The following PKNOX2 variants were observed in gnomAD, a reference collection of about 807,000 sequenced individuals.
PKNOX2 encodes the protein homeobox protein PKNOX2.
A neutral mutation model predicts 53.1 loss-of-function variants in PKNOX2; 14 were observed. That is an observed-to-expected ratio of 0.26 (90% CI 0.17 to 0.41). The LOEUF is 0.41. Ranked by LOEUF, PKNOX2 falls within the 10% of genes least tolerant of loss-of-function variation. PKNOX2 has a pLI of 1.00. For synonymous variants in PKNOX2, 257 were observed against 242.8 expected (o/e 1.06, Z -0.54); for missense variants, 496 against 602.8 (o/e 0.82, Z 1.85).
chr11:125,423,722 G>A (rs1414336808), intron 10 of PKNOX2, among the ~76,000 whole-genome samples: 1 of 152,190 alleles, frequency 6.6e-6, no homozygotes, highest in Non-Finnish European at 1.5e-5. Context: ...AAGAATCCTA[G>A]ATAGGGCAAG....
chr11:125,377,504 C>T lies in PKNOX2; in HGVS notation c.228-8047C>T, dbSNP rs375562428. The stretch of plus-strand genomic sequence containing the variant: ...CAGCAGGAAGAAAGTCATGGGCACA[C>T]GAGAGCAAAGGGCAAAGATGGGCAC... On this transcript the variant is annotated intron_variant, in intron 5 of 12. Transcript: ENST00000298282. Among the ~76,000 whole-genome samples the T allele has an allele frequency of 3.9e-5, 6 of 152,096 alleles. No homozygotes were observed. The South Asian group carries it at 6.2e-4, about 16-fold the overall frequency.
At chr11:125,264,355 C>G (rs1945133899) in intron 2 of PKNOX2, among the ~76,000 whole-genome samples, 1 of 152,200 alleles carries the variant, frequency 6.6e-6, no homozygotes, top group African/African-American at 2.4e-5. Context: ...CCTTGGAATG[C>G]AGCTCAGGCT....
At chr11:125,214,199 G>T (rs973500303) in intron 1 of PKNOX2, among the ~76,000 whole-genome samples, 1 of 152,086 alleles carries the variant, frequency 6.6e-6, no homozygotes, top group African/African-American at 2.4e-5. Context: ...CTCTTGGAGG[G>T]TGGCTTGGAA....
In PKNOX2 at chr11:125,343,970, G is replaced by T. The variant is rs1164971815; in HGVS notation, c.-22-7314G>T. 2.0e-5 allele frequency among the ~76,000 whole-genome samples: 3 copies of T among 152,216 alleles called. No individual in the cohort carries two copies. In the South Asian group the frequency reaches 6.2e-4, roughly 32 times the overall value. ...GGGCAGGACGGTGGGGCTCCTCTCTGGGAAACCTGGTCGGGCTGGAGTTCA... is the reference window on the plus strand; with the variant it reads ...GGGCAGGACGGTGGGGCTCCTCTCTTGGAAACCTGGTCGGGCTGGAGTTCA... On this transcript the variant is annotated intron_variant, in intron 3 of 12. Coordinates refer to ENST00000298282, the MANE Select transcript of PKNOX2 (RefSeq NM_001382323.2).
intron 10 of PKNOX2, among the ~76,000 whole-genome samples, chr11:125,419,883 T>TAAAAAAAAAAAA (rs377369369): frequency 1.0e-5 from 1 of 99,488 alleles, no homozygotes. Flanking sequence ...AAGAAAAAAT[T>TAAAAAAAAAAAA]AAAAAAAAAA....
At chr11:125,205,887 G>T (rs971894001) in intron 1 of PKNOX2, among the ~76,000 whole-genome samples, 9 of 152,116 alleles carry the variant, frequency 5.9e-5, no homozygotes, top group Admixed American at 3.9e-4. Context: ...AACAATAAAA[G>T]TTAAATAATA....
chr11:125,406,441 T>C (rs996682306), intron 7 of PKNOX2, among the ~76,000 whole-genome samples: 1 of 152,194 alleles, frequency 6.6e-6, no homozygotes, highest in Admixed American at 6.5e-5. Flanking sequence ...ACCCCTTCCA[T>C]TGCTACGTAA....
At chr11:125,295,915 T>A (rs1299616426) in intron 2 of PKNOX2, among the ~76,000 whole-genome samples, 1 of 152,200 alleles carries the variant, frequency 6.6e-6, no homozygotes, top group African/African-American at 2.4e-5. Context: ...AATGTTCTTC[T>A]GTTCTCTCTG....
rs191591104 is a variant in PKNOX2 at position 125,408,624 on chromosome 11, A to C, written c.589-1572A>C. Among the ~76,000 whole-genome samples, 488 of 152,298 alleles carry C rather than the reference A, an allele frequency of 3.2e-3. 14 individuals are homozygous for C. Among genetic ancestry groups the C allele is most frequent in the Non-Finnish European group, 3.1e-4 (21 of 68,026 alleles). The stretch of plus-strand genomic sequence containing the variant: ...GAGTAAAAAAAGGCAGCTCTGGAGG[A>C]GACGCCAAGGGGGATTTAATCAGCT... On this transcript the variant is annotated intron_variant, in intron 7 of 12. Transcript: ENST00000298282.
chr11:125,168,622 G>C (rs1337640518), intron 1 of PKNOX2, among the ~76,000 whole-genome samples: 2 of 152,140 alleles, frequency 1.3e-5, no homozygotes, highest in Non-Finnish European at 2.9e-5. Flanking sequence ...TCTTCAACCT[G>C]GGCTGTAACT....
chr11:125,395,891 C>T lies in PKNOX2; in HGVS notation c.400-1983C>T, dbSNP rs201142578. Among the ~76,000 whole-genome samples the T allele has an allele frequency of 1.4e-4, 21 of 151,938 alleles. No homozygotes were observed. The East Asian group carries it at 4.0e-3, about 29-fold the overall frequency. On this transcript the variant is annotated intron_variant, in intron 6 of 12. Transcript: ENST00000298282. ...GTATGTAGTCTTTTCCTCTTCTTCA[C>T]AGGGTCTTTTGAAGAGTAAACATTT...
rs767224814 is a variant in PKNOX2, at chr11:125,222,586, G to GGT, written c.-200-12442_-200-12441dup. Among the ~76,000 whole-genome samples, 442 of 142,462 alleles carry GGT rather than the reference G, an allele frequency of 3.1e-3. 2 individuals are homozygous for GGT. Among genetic ancestry groups the GGT allele is most frequent in the Middle Eastern group, 3.8e-3 (1 of 264 alleles). The allele number at this position is 142,462 out of a possible 152,430, so 93.5% of individuals were successfully genotyped here. A position where few individuals can be genotyped will look rare whatever the true frequency, so the allele number is the denominator to read the frequency against. Reference sequence around the variant, plus strand: ...CACCTAATGTGTAATAGGTGCTCCTGGTGTGTGTGTGTGTGTGTCTGTGTG... The same window carrying GGT: ...CACCTAATGTGTAATAGGTGCTCCTGGTGTGTGTGTGTGTGTGTGTCTGTGTG... On this transcript the variant is annotated intron_variant, in intron 1 of 12. Transcript: ENST00000298282.
At chr11:125,245,917 T>C (rs114485879) in intron 2 of PKNOX2, among the ~76,000 whole-genome samples, 5 of 152,048 alleles carry the variant, frequency 3.3e-5, no homozygotes, top group Non-Finnish European at 5.9e-5. Flanking sequence ...TTTTGTTTTG[T>C]TTTTAAGGGT....
intron 10 of PKNOX2, among the ~76,000 whole-genome samples, chr11:125,418,748 G>A (rs753799943): frequency 1.3e-5 from 2 of 152,044 alleles, no homozygotes; most frequent in African/African-American, 4.8e-5. Flanking sequence ...CCCTGGATCC[G>A]ACCAACCTTG....
chr11:125,362,044 G>A (rs556981058), intron 4 of PKNOX2, among the ~76,000 whole-genome samples: 11 of 152,338 alleles, frequency 7.2e-5, no homozygotes, highest in Admixed American at 6.5e-4. Context: ...TGAACTCGTA[G>A]GGGAGAGGTT....
chr11:125,249,487 C>A (rs1041518407), intron 2 of PKNOX2, among the ~76,000 whole-genome samples: 3 of 152,224 alleles, frequency 2.0e-5, no homozygotes, highest in Admixed American at 6.5e-5. Context: ...CATGTGCAGA[C>A]TTTTTTCTTG....
rs765199696 is a variant in PKNOX2, at chr11:125,397,962, T to G, written c.488T>G (p.Ile163Ser). The G allele has an allele frequency of 2.5e-6, 4 of 1,614,120 alleles. No individual in the cohort carries two copies. Among genetic ancestry groups the G allele is most frequent in the Non-Finnish European group, 3.4e-6 (4 of 1,179,998 alleles). ...TGCAAGGACTTTTGTAACCGTTACA[T>G]CACCTGCCTCAAAACCAAGATGCAC... ...ELCKDFCNRY[I>S]TCLKTKMHSD... is the part of the protein sequence containing the mutation. The change falls in exon 7 of 13, where the codon ATC (isoleucine) becomes AGC (serine). Residue 163 changes from isoleucine (I) to serine (S), a missense_variant. Ile to Ser is a moderately radical substitution (Grantham distance 142, BLOSUM62 -2). Transcript: ENST00000298282.
chr11:125,222,967 C>T (rs1176246665), intron 1 of PKNOX2, among the ~76,000 whole-genome samples: 2 of 152,104 alleles, frequency 1.3e-5, no homozygotes, highest in Non-Finnish European at 2.9e-5. Context: ...ACCAGACAAC[C>T]TACAGGAAGA....
chr11:125,283,654 G>T (rs951955382), intron 2 of PKNOX2, among the ~76,000 whole-genome samples: 3 of 152,160 alleles, frequency 2.0e-5, no homozygotes, highest in Non-Finnish European at 4.4e-5. Flanking sequence ...AGAGAGCAGC[G>T]TGATTTGTTC....
Sources: gnomAD v4.1 joint callset for allele counts (sites outside exome capture counted in the v4.1 genomes callset) on GRCh38, gnomAD v4.1.1 for gene constraint, MANE v1.5 for transcripts, NCBI Gene and HGNC (gene_info 2026-07-23, HGNC 2026-07-21) for gene names.